The following ELMO1 variants were observed in gnomAD, a reference collection of about 807,000 sequenced individuals.
The protein encoded by ELMO1 is engulfment and cell motility 1.
A neutral mutation model predicts 98.9 loss-of-function variants in ELMO1; 26 were observed. That is an observed-to-expected ratio of 0.26 (90% CI 0.19 to 0.36). The LOEUF is 0.36. Among genes scored for constraint, ELMO1 ranks in the 10% least tolerant of loss-of-function variants. The probability of loss-of-function intolerance (pLI) is 1.00; values close to 1 mark genes in which losing one functional copy is unlikely to be tolerated. For synonymous variants in ELMO1, 346 were observed against 346.0 expected (o/e 1.00, Z 0.00); for missense variants, 627 against 935.2 (o/e 0.67, Z 4.30).
chr7:37,335,687 C>T (rs1054653706), intron 2 of ELMO1, among the ~76,000 whole-genome samples: 5 of 152,176 alleles, frequency 3.3e-5, no homozygotes, highest in African/African-American at 9.7e-5. Flanking sequence ...TCGGCAGCCA[C>T]CCCTCTGCCC....
chr7:37,128,422 A>G (rs985393020), intron 14 of ELMO1, among the ~76,000 whole-genome samples: 3 of 152,130 alleles, frequency 2.0e-5, no homozygotes, highest in Admixed American at 2.0e-4. Context: ...AGTAAAAGCA[A>G]TTATACCCAG....
intron 16 of ELMO1, among the ~76,000 whole-genome samples, chr7:36,954,821 T>C (rs1788306981): frequency 6.6e-6 from 1 of 152,216 alleles, no homozygotes; most frequent in South Asian, 2.1e-4. Context: ...CTGCTCAAAA[T>C]GCAGATTCTT....
chr7:37,124,866 C>T (rs1429662306), intron 14 of ELMO1, among the ~76,000 whole-genome samples: 1 of 152,178 alleles, frequency 6.6e-6, no homozygotes, highest in Non-Finnish European at 1.5e-5. Context: ...GGAGGCATCA[C>T]ACTACCTGAC....
chr7:37,103,745 C>A (rs1490275494), intron 14 of ELMO1, among the ~76,000 whole-genome samples: 3 of 151,420 alleles, frequency 2.0e-5, no homozygotes, highest in African/African-American at 7.3e-5. Context: ...GCCTGTAATC[C>A]CAGCACTTTG....
intron 1 of ELMO1, among the ~76,000 whole-genome samples, chr7:37,350,951 C>G (rs1223022756): frequency 1.3e-5 from 2 of 152,198 alleles, no homozygotes; most frequent in African/African-American, 4.8e-5. Context: ...TCTCTGACTT[C>G]TAGCCTCCGT....
chr7:37,339,697 A>G (rs1800614337), intron 2 of ELMO1, among the ~76,000 whole-genome samples: 1 of 152,230 alleles, frequency 6.6e-6, no homozygotes, highest in South Asian at 2.1e-4. Flanking sequence ...TCTCATTGTA[A>G]TTCCAGCAAC....
intron 1 of ELMO1, among the ~76,000 whole-genome samples, chr7:37,350,403 C>T (rs1458354352): frequency 6.6e-6 from 1 of 152,130 alleles, no homozygotes; most frequent in Non-Finnish European, 1.5e-5. Flanking sequence ...CTTTGCTTTC[C>T]CAGTGTCTGG....
At chr7:36,916,336 G>C (rs1267202064) in intron 16 of ELMO1, among the ~76,000 whole-genome samples, 1 of 152,234 alleles carries the variant, frequency 6.6e-6, no homozygotes, top group African/African-American at 2.4e-5. Context: ...ACACTCCTGA[G>C]ATGCAGCCTT....
intron 16 of ELMO1, among the ~76,000 whole-genome samples, chr7:37,006,737 T>C (rs1793155806): frequency 6.6e-6 from 1 of 152,220 alleles, no homozygotes; most frequent in Non-Finnish European, 1.5e-5. Context: ...GGGGTGATAA[T>C]GCAAAAGAGA....
At chr7:37,185,379 G>GT (rs1429538569) in intron 13 of ELMO1, among the ~76,000 whole-genome samples, 5 of 152,018 alleles carry the variant, frequency 3.3e-5, no homozygotes, top group African/African-American at 1.2e-4. Context: ...AAATAACATT[G>GT]TATTTTAATT....
intron 15 of ELMO1, among the ~76,000 whole-genome samples, chr7:37,086,995 A>T (rs1046269035): frequency 1.3e-5 from 2 of 152,170 alleles, no homozygotes; most frequent in Non-Finnish European, 2.9e-5. Context: ...ATTTATTTGA[A>T]ATGTCTATTG....
intron 12 of ELMO1, 113 bp from the exon 13 acceptor site, chr7:37,211,630 C>T (rs1792980250): frequency 2.2e-6 from 3 of 1,372,306 alleles, no homozygotes; most frequent in Admixed American, 2.5e-5. Context: ...TGCATTCAGG[C>T]AAAAGAAAAA....
rs564000863 is a variant in ELMO1, at chr7:36,883,307, T to C, written c.1714+4253A>G. Among the ~76,000 whole-genome samples the C allele has an allele frequency of 1.6e-4, 25 of 152,356 alleles. No homozygotes were observed. The South Asian group carries it at 5.0e-3, about 30-fold the overall frequency. On this transcript the variant is annotated intron_variant, in intron 18 of 21. Coordinates refer to ENST00000310758, the MANE Select transcript of ELMO1 (RefSeq NM_014800.11). ...CTGGACTCTTACCAAGGCCATTCAA[T>C]GCAAGTGATTCTGAAAGACCTTCAT...
intron 18 of ELMO1, among the ~76,000 whole-genome samples, chr7:36,880,416 C>G (rs1804354990): frequency 6.6e-6 from 1 of 152,204 alleles, no homozygotes; most frequent in Admixed American, 6.5e-5. Context: ...CAGTATAATA[C>G]AAACACATAT....
intron 13 of ELMO1, among the ~76,000 whole-genome samples, chr7:37,181,373 C>CA (rs1790851973): frequency 6.6e-6 from 1 of 152,038 alleles, no homozygotes. Flanking sequence ...GGTTACACCA[C>CA]ACCTGCCCTC....
intron 14 of ELMO1, among the ~76,000 whole-genome samples, chr7:37,131,921 C>T (rs999501371): frequency 2.0e-5 from 3 of 152,126 alleles, no homozygotes; most frequent in Non-Finnish European, 4.4e-5. Flanking sequence ...CTGGCATGGC[C>T]TTATTCAAGG....
intron 16 of ELMO1, among the ~76,000 whole-genome samples, chr7:36,934,666 AGTTT>A (rs930769270): frequency 9.2e-5 from 14 of 152,250 alleles, no homozygotes; most frequent in African/African-American, 2.7e-4. Context: ...TGGGCAAAAT[AGTTT>A]TTTTCTCCTT....
At chr7:37,211,209 T>C in intron 13 of ELMO1, 177 bp downstream of exon 13, 1 of 826,336 alleles carries the variant, frequency 1.2e-6, no homozygotes, top group South Asian at 1.8e-5. Context: ...TCCATTTCAC[T>C]GAAGCCAGAA....
intron 5 of ELMO1, among the ~76,000 whole-genome samples, chr7:37,259,694 T>C (rs1258159369): frequency 6.6e-6 from 1 of 152,254 alleles, no homozygotes; most frequent in Non-Finnish European, 1.5e-5. Flanking sequence ...GTATTTACCC[T>C]TTAAGTAAAA....
Sources: gnomAD v4.1 joint callset for allele counts (sites outside exome capture counted in the v4.1 genomes callset) on GRCh38, gnomAD v4.1.1 for gene constraint, MANE v1.5 for transcripts, NCBI Gene and HGNC (gene_info 2026-07-23, HGNC 2026-07-21) for gene names.